Variants in TGM7 observed in about 807,000 individuals in gnomAD.
TGM7 encodes the protein protein-glutamine gamma-glutamyltransferase Z.
A neutral mutation model predicts 79.5 loss-of-function variants in TGM7; 74 were observed. That is an observed-to-expected ratio of 0.93 (90% CI 0.77 to 1.13). The LOEUF (loss-of-function observed/expected upper bound fraction) is 1.13, where lower values mean the gene tolerates loss of function less well. Among genes scored for constraint, TGM7 ranks in the 50% most tolerant of loss-of-function variants. TGM7 has a pLI of 0.00. For synonymous variants in TGM7, 354 were observed against 362.5 expected, an observed-to-expected ratio of 0.98 and a Z score of 0.27; for missense variants, 912 against 905.9, an observed-to-expected ratio of 1.01 and a Z score of -0.09.
chr15:43,283,471 T>C (rs1007176328), intron 7 of TGM7, among the ~76,000 whole-genome samples: 8 of 118,400 alleles, frequency 6.8e-5, no homozygotes, highest in African/African-American at 4.4e-4. Flanking sequence ...TCTCGCTCTC[T>C]CTCTTTTTCT....
chr15:43,292,138 C>G (rs766534960), intron 3 of TGM7, 41 bp from the exon 4 acceptor site: 11 of 1,358,936 alleles, frequency 8.1e-6, no homozygotes, highest in Non-Finnish European at 1.1e-5. Context: ...AACCCCAAAC[C>G]AAAAAAACAG....
Position 43,294,903 on chromosome 15 carries a change from C to CTT in TGM7, c.11-1274_11-1273dup, listed in dbSNP as rs113207212. ...TGCATCTTTCCTACCTATCTTGATC[C>CTT]TTTTTTTTTTTTGGAGACAGGGTCT... is the stretch of plus-strand genomic sequence containing the variant. On this transcript the variant is annotated intron_variant, in intron 1 of 12. Coordinates refer to ENST00000452443, the MANE Select transcript of TGM7 (RefSeq NM_052955.3). Among the ~76,000 whole-genome samples, 1,328 of 144,464 alleles carry CTT rather than the reference C, an allele frequency of 9.2e-3. 14 individuals are homozygous for CTT. The highest frequency in any genetic ancestry group is 0.029 in the African/African-American group (1,171 of 39,696). The allele number at this position is 144,464 out of a possible 152,430, so 94.8% of individuals were successfully genotyped here.
chr15:43,282,817 G>A (rs978563018), intron 7 of TGM7, among the ~76,000 whole-genome samples, 197 bp from the exon 8 acceptor site: 7 of 152,192 alleles, frequency 4.6e-5, no homozygotes, highest in Admixed American at 1.3e-4. Context: ...TTGGGAAGCC[G>A]AAGTGGGCGG....
chr15:43,300,351 G>A (rs1353885726), intron 1 of TGM7, among the ~76,000 whole-genome samples: 1 of 152,186 alleles, frequency 6.6e-6, no homozygotes, highest in Non-Finnish European at 1.5e-5. Context: ...AAGTAACTTG[G>A]CCAGTGTCAC....
intron 6 of TGM7, among the ~76,000 whole-genome samples, chr15:43,285,327 T>C (rs2042929768): frequency 6.6e-6 from 1 of 152,188 alleles, no homozygotes; most frequent in Admixed American, 6.5e-5. Flanking sequence ...GGTCAGGGGT[T>C]TGAGACTCAG....
chr15:43,276,598 C>A lies in TGM7; in HGVS notation c.1990G>T (p.Ala664Ser). 4.3e-6 allele frequency: 7 copies of A among 1,613,398 alleles called. No individual in the cohort carries two copies. The highest frequency in any genetic ancestry group is 5.1e-6 in the Non-Finnish European group (6 of 1,179,732). Residue 664 changes from alanine (A) to serine (S), a missense_variant, in exon 13 of 13, where the codon GCC becomes TCC. Transcript: ENST00000452443. ...AGTTGAATTTGGAGGGTGTGTCCGG[C>A]CACCAGAGTCCCAAGGCTGAAAGTC... ...QIAKDLGTLV[A>S]GHTLQIQLDL...
intron 3 of TGM7, among the ~76,000 whole-genome samples, chr15:43,292,456 A>G (rs979129845): frequency 6.6e-6 from 1 of 152,004 alleles, no homozygotes; most frequent in African/African-American, 2.4e-5. Flanking sequence ...TATTCTAGCC[A>G]CTCTCTCTTT....
chr15:43,287,341 G>A lies in TGM7; in HGVS notation c.804C>T (p.Ala268=), dbSNP rs148842948. 6.2e-7 allele frequency: 1 copy of A among 1,613,998 alleles called. No homozygotes were observed. The highest frequency in any genetic ancestry group is 1.3e-5 in the African/African-American group (1 of 74,934). Residue 268 remains alanine (A), a synonymous_variant, in exon 6 of 13, where the codon GCC becomes GCT. Coordinates refer to ENST00000452443, the MANE Select transcript of TGM7 (RefSeq NM_052955.3). ...CGTACTTCACAGGCTGCCCGCCCCT[G>A]GCTGACCACTGCTGTAGGATGGCCA... The part of the protein sequence containing the change: ...GSVAILQQWS[A]RGGQPVKYGQ...
intron 7 of TGM7, 25 bp from the exon 8 acceptor site, chr15:43,282,645 G>C (rs1412544321): frequency 1.3e-6 from 2 of 1,562,532 alleles, no homozygotes; most frequent in Non-Finnish European, 8.7e-7. Flanking sequence ...AAGGAGACAA[G>C]GATTCATGTT....
At chr15:43,301,002 G>A (rs751883693) in intron 1 of TGM7, among the ~76,000 whole-genome samples, 2 of 152,008 alleles carry the variant, frequency 1.3e-5, no homozygotes, top group African/African-American at 2.4e-5. Context: ...GTTTGTTTGA[G>A]ACAGGATCTC....
chr15:43,300,705 G>C (rs1196358660), intron 1 of TGM7, among the ~76,000 whole-genome samples: 1 of 152,184 alleles, frequency 6.6e-6, no homozygotes, highest in African/African-American at 2.4e-5. Flanking sequence ...GGAGGCTGAG[G>C]CAGGAGAATG....
chr15:43,281,822 T>TC lies in TGM7; in HGVS notation c.1351+21dup, dbSNP rs1596460081. Reference sequence around the variant, plus strand: ...CACAAAGAAGCTTAAAGCAGCCCTTTCCCCAAATACCCGCCCAGCACCTTC... The same window carrying TC: ...CACAAAGAAGCTTAAAGCAGCCCTTTCCCCCAAATACCCGCCCAGCACCTTC... On this transcript the variant is annotated intron_variant, in intron 9 of 12. Coordinates refer to ENST00000452443, the MANE Select transcript of TGM7 (RefSeq NM_052955.3). 2.5e-6 allele frequency: 4 copies of TC among 1,609,436 alleles called. No individual in the cohort carries two copies. In the East Asian group the frequency reaches 8.9e-5, roughly 36 times the overall value.
Position 43,292,769 on chromosome 15 carries a change from C to T in TGM7, c.379G>A (p.Gly127Ser). Residue 127 changes from glycine to serine, a missense_variant, in exon 3 of 13, where the codon GGT becomes AGT. Coordinates refer to ENST00000452443, the MANE Select transcript of TGM7 (RefSeq NM_052955.3). Reference protein sequence around the residue: ...TLKIEISQGQGHSVTYPLGTF... With the variant: ...TLKIEISQGQSHSVTYPLGTF... ...CCCAGCGGGTAAGTCACACTGTGAC[C>T]TTGGCCCTGAGAGATCTCTATTTTC... 1.9e-6 allele frequency: 3 copies of T among 1,614,152 alleles called. No homozygotes were observed. Among genetic ancestry groups the T allele is most frequent in the Non-Finnish European group, 2.5e-6 (3 of 1,180,022 alleles).
intron 9 of TGM7, among the ~76,000 whole-genome samples, chr15:43,281,040 A>C (rs1296826028): frequency 6.6e-6 from 1 of 152,216 alleles, no homozygotes; most frequent in Non-Finnish European, 1.5e-5. Context: ...TAATCATAAG[A>C]AACATTTGTG....
intron 1 of TGM7, among the ~76,000 whole-genome samples, chr15:43,300,645 C>CA (rs1228243073): frequency 1.3e-5 from 2 of 152,186 alleles, no homozygotes; most frequent in East Asian, 3.9e-4. Flanking sequence ...ACTAAAAATA[C>CA]AAAAAATTAG....
chr15:43,282,009 C>T lies in TGM7; in HGVS notation c.1186G>A (p.Val396Met), dbSNP rs1212856665. Reference sequence around the variant, plus strand: ...TCATCGGCGTTCACCTCGGCATACACAAAAGGGGTGTCATAGGCCAGGTGG... The same window carrying T: ...TCATCGGCGTTCACCTCGGCATACATAAAAGGGGTGTCATAGGCCAGGTGG... ...DVHLAYDTPFVYAEVNADEVI... is the reference protein window; with the variant it reads ...DVHLAYDTPFMYAEVNADEVI... The change falls in exon 9 of 13, where the codon GTG becomes ATG. Residue 396 changes from valine to methionine, a missense_variant. By Grantham distance (21) the Val-to-Met change is conservative. Transcript: ENST00000452443. 3 of 1,614,078 alleles carry T rather than the reference C, an allele frequency of 1.9e-6. No individual in the cohort carries two copies. The highest frequency in any genetic ancestry group is 3.3e-5 in the Admixed American group (2 of 59,998).
At position 43,297,473 on chromosome 15, in the gene TGM7, CAGAA is replaced by C. The variant is rs563558269; in HGVS notation, c.11-3846_11-3843del. Among the ~76,000 whole-genome samples the C allele has an allele frequency of 4.5e-3, 529 of 116,628 alleles. 3 individuals are homozygous for C. The highest frequency in any genetic ancestry group is 0.017 in the African/African-American group (501 of 30,104). 76.5% of individuals were successfully genotyped at this position (116,628 alleles called of 152,430 possible). On this transcript the variant is annotated intron_variant, in intron 1 of 12. Transcript: ENST00000452443. ...GTCTCAAAAAAGAGAGAAAGAGAGA[CAGAA>C]AGAGAGAAAGAGAAAGAAAAAGAAA...
chr15:43,283,435 T>C (rs1334604822), intron 7 of TGM7, among the ~76,000 whole-genome samples: 1 of 152,192 alleles, frequency 6.6e-6, no homozygotes, highest in Non-Finnish European at 1.5e-5. Flanking sequence ...TTTCTTTCTT[T>C]GTTACATTGG....
At chr15:43,279,319 CAG>C (rs2042894173) in intron 10 of TGM7, 42 bp from the exon 11 acceptor site, 2 of 1,592,596 alleles carry the variant, frequency 1.3e-6, no homozygotes, top group South Asian at 2.2e-5. Context: ...GGACATGGAC[CAG>C]AGAGAGGGGG....
Sources: allele counts gnomAD v4.1 joint callset (sites outside exome capture counted in the v4.1 genomes callset), GRCh38; gene constraint gnomAD v4.1.1; transcripts MANE v1.5; gene names NCBI Gene and HGNC (gene_info 2026-07-23, HGNC 2026-07-21).